Variants in CHN2 observed in about 807,000 individuals in gnomAD.
The protein encoded by CHN2 is beta-chimaerin.
CHN2 carries 35 observed loss-of-function variants against 56.3 expected under a neutral mutation model. The ratio of observed to expected loss-of-function variants is 0.62; its 90% CI spans 0.47 to 0.82. The LOEUF (loss-of-function observed/expected upper bound fraction) is 0.82, where lower values mean the gene tolerates loss of function less well. Among genes scored for constraint, CHN2 ranks in the 40% least tolerant of loss-of-function variants. The probability of loss-of-function intolerance (pLI) is 0.00; values close to 1 mark genes in which losing one functional copy is unlikely to be tolerated. For synonymous variants in CHN2, 210 were observed against 212.8 expected (o/e 0.99, Z 0.12); for missense variants, 491 against 580.5 (o/e 0.85, Z 1.58).
At chr7:29,168,692 C>T (rs1422869268) in intron 2 of CHN2, among the ~76,000 whole-genome samples, 1 of 152,178 alleles carries the variant, frequency 6.6e-6, no homozygotes, top group African/African-American at 2.4e-5. Flanking sequence ...TGTAGGCTTC[C>T]AGGGAGAGTT....
At chr7:29,367,627 G>GA (rs1799267975) in intron 2 of CHN2, among the ~76,000 whole-genome samples, 1 of 151,982 alleles carries the variant, frequency 6.6e-6, no homozygotes, top group Non-Finnish European at 1.5e-5. Context: ...ATAGTCAAAA[G>GA]AATTTTAGCC....
chr7:29,335,843 C>T (rs1796572070), intron 1 of CHN2: 1 of 152,224 alleles, frequency 6.6e-6, no homozygotes. Flanking sequence ...AGTTTTCTTC[C>T]TCCACTTTAA....
At chr7:29,291,906 G>A (rs1333279400) in intron 1 of CHN2, among the ~76,000 whole-genome samples, 1 of 151,956 alleles carries the variant, frequency 6.6e-6, no homozygotes, top group Non-Finnish European at 1.5e-5. Context: ...GAGCAGGAAG[G>A]ACTTTTGCCC....
At chr7:29,318,210 C>T (rs934507504) in intron 1 of CHN2, among the ~76,000 whole-genome samples, 2 of 152,100 alleles carry the variant, frequency 1.3e-5, no homozygotes, top group African/African-American at 4.8e-5. Context: ...GATCTTGGGG[C>T]AAGGATCAGT....
intron 2 of CHN2, among the ~76,000 whole-genome samples, chr7:29,154,705 C>T (rs879929057): frequency 3.8e-4 from 58 of 152,156 alleles, no homozygotes; most frequent in Non-Finnish European, 7.4e-4. Flanking sequence ...TGTGGTGGCA[C>T]GTACCTGTGG....
chr7:29,190,061 C>CT (rs1404569231), upstream of CHN2, among the ~76,000 whole-genome samples: 2 of 152,248 alleles, frequency 1.3e-5, no homozygotes, highest in African/African-American at 2.4e-5. Context: ...TGTGCACCTC[C>CT]TGAGGAAACA....
chr7:29,205,855 A>G (rs1388498029), intron 1 of CHN2, among the ~76,000 whole-genome samples: 1 of 152,170 alleles, frequency 6.6e-6, no homozygotes, highest in African/African-American at 2.4e-5. Context: ...AAGATGCAAT[A>G]TATACAAAAA....
chr7:29,430,705 G>A (rs1782777085), intron 6 of CHN2, among the ~76,000 whole-genome samples: 1 of 148,432 alleles, frequency 6.7e-6, no homozygotes, highest in Non-Finnish European at 1.5e-5. Flanking sequence ...CTTAAAATAT[G>A]TACGAAGGCA....
At chr7:29,298,045 G>T (rs1358071442) in intron 1 of CHN2, among the ~76,000 whole-genome samples, 1 of 152,128 alleles carries the variant, frequency 6.6e-6, no homozygotes, top group Non-Finnish European at 1.5e-5. Context: ...CCGAGGCCTT[G>T]GTGACTTCGG....
intron 6 of CHN2, among the ~76,000 whole-genome samples, chr7:29,453,148 A>C (rs957990134): frequency 6.6e-6 from 1 of 152,170 alleles, no homozygotes; most frequent in African/African-American, 2.4e-5. Context: ...ACAGCATCTC[A>C]CAATATGAGT....
At chr7:29,283,293 C>T (rs1370359547) in intron 1 of CHN2, among the ~76,000 whole-genome samples, 5 of 152,174 alleles carry the variant, frequency 3.3e-5, no homozygotes, top group African/African-American at 1.2e-4. Context: ...AGACAGAGGA[C>T]GTAGCTGAGC....
At chr7:29,202,538 G>A (rs897423362) in intron 1 of CHN2, among the ~76,000 whole-genome samples, 11 of 152,176 alleles carry the variant, frequency 7.2e-5, no homozygotes, top group Admixed American at 4.6e-4. Context: ...GAATGTTGAG[G>A]CCATTGGATT....
intron 2 of CHN2, among the ~76,000 whole-genome samples, chr7:29,183,660 A>G (rs557010294): frequency 5.3e-5 from 8 of 152,106 alleles, no homozygotes; most frequent in African/African-American, 1.9e-4. Flanking sequence ...TACAGGTGTG[A>G]GCCACCACAC....
At chr7:29,406,028 G>A (rs191531179) in intron 6 of CHN2, among the ~76,000 whole-genome samples, 1 of 152,346 alleles carries the variant, frequency 6.6e-6, no homozygotes, top group East Asian at 1.9e-4. Flanking sequence ...CCAGTGCCAT[G>A]CTCGCATCTC....
intron 2 of CHN2, among the ~76,000 whole-genome samples, chr7:29,359,059 AC>A (rs1332524155): frequency 1.3e-5 from 2 of 152,234 alleles, no homozygotes; most frequent in Admixed American, 1.3e-4. Context: ...AGGCAAAGAG[AC>A]AGTCTACTTT....
At chr7:29,291,754 T>C (rs1792649069) in intron 1 of CHN2, among the ~76,000 whole-genome samples, 1 of 152,190 alleles carries the variant, frequency 6.6e-6, no homozygotes, top group African/African-American at 2.4e-5. Context: ...AAGTATTAAA[T>C]CCTAGAAGTT....
At chr7:29,408,283 A>G (rs1471621696) in intron 6 of CHN2, among the ~76,000 whole-genome samples, 1 of 152,186 alleles carries the variant, frequency 6.6e-6, no homozygotes, top group East Asian at 1.9e-4. Context: ...CACTGGTGAA[A>G]GGCACCTGTC....
chr7:29,287,609 C>G (rs1792258070), intron 1 of CHN2, among the ~76,000 whole-genome samples: 2 of 152,056 alleles, frequency 1.3e-5, no homozygotes. Flanking sequence ...AGCCCTATGC[C>G]AAGACATGAC....
chr7:29,368,372 A>G (rs1799340990), intron 3 of CHN2, among the ~76,000 whole-genome samples: 2 of 152,158 alleles, frequency 1.3e-5, no homozygotes, highest in African/African-American at 4.8e-5. Flanking sequence ...TTCAACGCCC[A>G]TATTTAGTAA....
Sources: gnomAD v4.1 joint callset for allele counts (sites outside exome capture counted in the v4.1 genomes callset) on GRCh38, gnomAD v4.1.1 for gene constraint, MANE v1.5 for transcripts, NCBI Gene and HGNC (gene_info 2026-07-23, HGNC 2026-07-21) for gene names.